Variants in PGAP1 observed in about 807,000 individuals in gnomAD.
PGAP1 encodes post-GPI attachment to proteins inositol deacylase 1.
A neutral mutation model predicts 127.0 loss-of-function variants in PGAP1; 76 were observed. The observed-to-expected ratio is 0.60, with a 90% CI of 0.50 to 0.72. The LOEUF is 0.72. Ranked by LOEUF, PGAP1 falls within the 30% of genes least tolerant of loss-of-function variation. PGAP1 has a pLI of 0.00. For synonymous variants in PGAP1, 362 were observed against 366.5 expected (o/e 0.99, Z 0.14); for missense variants, 982 against 1,071.3 (o/e 0.92, Z 1.16).
rs1424522424 is a variant in PGAP1 at position 196,912,965 on chromosome 2, A to C, written c.566T>G (p.Phe189Cys). The part of the protein sequence containing the change: ...VARALLTLKN[F>C]KHDLINLLIT... ...AAGAAGATTTATCAGATCATGCTTA[A>C]AATTTTTCAGTGTAAGCAATGCTCT... The change falls in exon 4 of 27, where the codon TTT (phenylalanine) becomes TGT (cysteine). Residue 189 changes from phenylalanine (F) to cysteine (C), a missense_variant. Phe to Cys is a radical substitution (Grantham distance 205, BLOSUM62 -2). Transcript: ENST00000354764. 1.2e-6 allele frequency: 2 copies of C among 1,613,942 alleles called. No homozygotes were observed. The highest frequency in any genetic ancestry group is 1.7e-6 in the Non-Finnish European group (2 of 1,179,910).
intron 12 of PGAP1, among the ~76,000 whole-genome samples, chr2:196,884,205 A>G (rs540612432): frequency 6.6e-6 from 1 of 152,244 alleles, no homozygotes; most frequent in South Asian, 2.1e-4. Context: ...AATCTATACA[A>G]TTCATCCACG....
In PGAP1 at chr2:196,867,140, C is replaced by A. The variant is rs555847458; in HGVS notation, c.1768-2060G>T. ...TAGCAATCCCATTACTGAGTATATACCCAAAGGATTATAAATCATTCTACT... is the reference window on the plus strand; with the variant it reads ...TAGCAATCCCATTACTGAGTATATAACCAAAGGATTATAAATCATTCTACT... On this transcript the variant is annotated intron_variant, in intron 19 of 26. Transcript: ENST00000354764. Among the ~76,000 whole-genome samples, 18 of 152,166 alleles carry A rather than the reference C, an allele frequency of 1.2e-4. No homozygotes were observed. In the South Asian group the frequency reaches 1.5e-3, roughly 12 times the overall value.
At chr2:196,912,092 G>A (rs943425966) in intron 4 of PGAP1, among the ~76,000 whole-genome samples, 1 of 151,988 alleles carries the variant, frequency 6.6e-6, no homozygotes, top group African/African-American at 2.4e-5. Context: ...CTACCTCATG[G>A]GACTGCAGTA....
intron 2 of PGAP1, among the ~76,000 whole-genome samples, chr2:196,917,851 A>G (rs79655706): frequency 0.01 from 1,543 of 152,222 alleles, 24 homozygotes; most frequent in African/African-American, 0.035. Context: ...GTAGATACCT[A>G]GGAGTGGAAT....
chr2:196,916,105 T>C (rs182445531), intron 3 of PGAP1, among the ~76,000 whole-genome samples: 1 of 152,366 alleles, frequency 6.6e-6, no homozygotes, highest in East Asian at 1.9e-4. Context: ...TCTATCCTAG[T>C]ACCAGTTACT....
chr2:196,875,763 G>A lies in PGAP1; in HGVS notation c.1409C>T (p.Thr470Ile). 6.5e-7 allele frequency: 1 copy of A among 1,540,950 alleles called. No homozygotes were observed. Among genetic ancestry groups the A allele is most frequent in the Non-Finnish European group, 8.9e-7 (1 of 1,118,240 alleles). The change falls in exon 14 of 27, where the codon ACT (threonine) becomes ATT (isoleucine). Residue 470 changes from threonine (T) to isoleucine (I), a missense_variant. Coordinates refer to ENST00000354764, the MANE Select transcript of PGAP1 (RefSeq NM_024989.4). The part of the protein sequence containing the change: ...KEKRYIQLPV[T>I]HLFSFGLSSR... ...GTACTTACCAAAGGAAAAAAGATGA[G>A]TTACAGGAAGCTGTATGTATCTTTT...
intron 6 of PGAP1, among the ~76,000 whole-genome samples, chr2:196,898,074 C>T (rs1367997196): frequency 1.3e-5 from 2 of 151,994 alleles, no homozygotes; most frequent in Admixed American, 6.6e-5. Flanking sequence ...AAAAATTAGC[C>T]GGCATGATGG....
chr2:196,864,161 G>A (rs970678665), intron 20 of PGAP1, among the ~76,000 whole-genome samples: 1 of 151,800 alleles, frequency 6.6e-6, no homozygotes, highest in African/African-American at 2.4e-5. Flanking sequence ...GGAGGCTGAG[G>A]CGGGCAGATC....
chr2:196,847,396 A>C (rs930239795), intron 21 of PGAP1, 196 bp from the exon 22 acceptor site: 1 of 457,920 alleles, frequency 2.2e-6, no homozygotes, highest in African/African-American at 2.0e-5. Flanking sequence ...CTGATCTTTG[A>C]AGATCTGCAT....
In PGAP1 at chr2:196,842,747, A is replaced by G. The variant is rs74459402; in HGVS notation, c.2604T>C (p.Asn868=). 2,830 of 1,576,724 alleles carry G rather than the reference A, an allele frequency of 1.8e-3. 36 individuals are homozygous for G. In the African/African-American group the frequency reaches 0.034, roughly 19 times the overall value. ...TTGATTTTATTGAAACAGTGTAAGTATTTCCAAGAATTGCCATAGTCGGAA... is the reference window on the plus strand; with the variant it reads ...TTGATTTTATTGAAACAGTGTAAGTGTTTCCAAGAATTGCCATAGTCGGAA... ...ILIPTMAILG[N]TYTVSIKSSK... is the part of the protein sequence containing the mutation. The change falls in exon 26 of 27, where the codon AAT becomes AAC. Residue 868 remains asparagine (N), a synonymous_variant. Transcript: ENST00000354764.
At chr2:196,862,846 A>C (rs1701112276) in intron 20 of PGAP1, among the ~76,000 whole-genome samples, 2 of 152,300 alleles carry the variant, frequency 1.3e-5, no homozygotes, top group South Asian at 2.1e-4. Context: ...TGAACCCGGG[A>C]GGTGGAGGTT....
At chr2:196,864,898 T>A (rs1701187361) in intron 20 of PGAP1, 89 bp downstream of exon 20, 1 of 581,662 alleles carries the variant, frequency 1.7e-6, no homozygotes, top group African/African-American at 2.0e-5. Flanking sequence ...TATAACAGAA[T>A]TATATATATA....
chr2:196,865,741 C>T (rs1013693242), intron 19 of PGAP1, among the ~76,000 whole-genome samples: 2 of 150,198 alleles, frequency 1.3e-5, no homozygotes, highest in African/African-American at 5.0e-5. Context: ...TGCCTAAGTT[C>T]ATAATCATTA....
chr2:196,892,192 T>C (rs952547609), intron 9 of PGAP1, among the ~76,000 whole-genome samples, 154 bp downstream of exon 9: 1 of 151,996 alleles, frequency 6.6e-6, no homozygotes, highest in African/African-American at 2.4e-5. Context: ...ATGATAAAAC[T>C]GATTACTGAC....
At chr2:196,883,491 G>C (rs1224663340) in intron 12 of PGAP1, among the ~76,000 whole-genome samples, 1 of 152,192 alleles carries the variant, frequency 6.6e-6, no homozygotes, top group East Asian at 1.9e-4. Flanking sequence ...ACAGCTACAG[G>C]CAGCTAAGAC....
At chr2:196,864,833 AT>A (rs1029076466) in intron 20 of PGAP1, among the ~76,000 whole-genome samples, 153 bp downstream of exon 20, 7 of 152,234 alleles carry the variant, frequency 4.6e-5, no homozygotes, top group African/African-American at 9.6e-5. Context: ...TTATAAAAAA[AT>A]AAATAATAAA....
At chr2:196,916,266 G>A (rs1461054097) in intron 3 of PGAP1, 152 bp downstream of exon 3, 1 of 508,188 alleles carries the variant, frequency 2.0e-6, no homozygotes, top group Non-Finnish European at 3.2e-6. Context: ...CCATTACGGA[G>A]GCCAAGACAA....
At chr2:196,900,820 G>A (rs113435725) in intron 5 of PGAP1, among the ~76,000 whole-genome samples, 15,508 of 152,186 alleles carry the variant, frequency 0.1, 953 homozygotes, top group African/African-American at 0.17. Flanking sequence ...CCAGCTACTC[G>A]GGAGGCTGAG....
intron 8 of PGAP1, 82 bp from the exon 9 acceptor site, chr2:196,892,483 A>G: frequency 1.6e-6 from 1 of 643,540 alleles, no homozygotes; most frequent in South Asian, 2.2e-5. Flanking sequence ...TCCTGGTGAA[A>G]TACTTCTCAA....
Sources: allele counts gnomAD v4.1 joint callset (sites outside exome capture counted in the v4.1 genomes callset), GRCh38; gene constraint gnomAD v4.1.1; transcripts MANE v1.5; gene names NCBI Gene and HGNC (gene_info 2026-07-23, HGNC 2026-07-21).